FARS2: variants seen among roughly 807,000 people sequenced by gnomAD.
The protein encoded by FARS2 is phenylalanyl-tRNA synthetase 2, mitochondrial.
Under a neutral mutation model 46.4 loss-of-function variants are expected in FARS2, and 40 were observed. That is an observed-to-expected ratio of 0.86 (90% CI 0.67 to 1.12). FARS2 has a LOEUF of 1.12. FARS2 is among the 50% of genes most tolerant of loss of function. FARS2 has a pLI of 0.00. For synonymous variants in FARS2, 234 were observed against 214.9 expected (o/e 1.09, Z -0.78); for missense variants, 513 against 567.9 (o/e 0.90, Z 0.98).
chr6:5,758,238 G>A (rs1762310118), intron 6 of FARS2, among the ~76,000 whole-genome samples: 1 of 151,636 alleles, frequency 6.6e-6, no homozygotes, highest in Non-Finnish European at 1.5e-5. Context: ...CCAATAATAA[G>A]CCACATCAGG....
intron 5 of FARS2, among the ~76,000 whole-genome samples, chr6:5,602,746 G>A (rs1774607105): frequency 6.6e-6 from 1 of 151,830 alleles, no homozygotes; most frequent in Admixed American, 6.6e-5. Flanking sequence ...TAGGCCCGGA[G>A]CAGGGGCCAG....
chr6:5,430,037 A>G (rs191457405), intron 3 of FARS2, among the ~76,000 whole-genome samples: 11 of 151,938 alleles, frequency 7.2e-5, no homozygotes, highest in Non-Finnish European at 1.3e-4. Context: ...TCACATTTTG[A>G]TTCCCACAAG....
intron 5 of FARS2, among the ~76,000 whole-genome samples, chr6:5,608,814 A>T (rs1256373696): frequency 6.6e-6 from 1 of 152,162 alleles, no homozygotes; most frequent in Non-Finnish European, 1.5e-5. Flanking sequence ...CATCACCCTG[A>T]AGGAATTCTA....
intron 4 of FARS2, among the ~76,000 whole-genome samples, chr6:5,477,204 G>A (rs1464584496): frequency 1.3e-5 from 2 of 152,136 alleles, no homozygotes; most frequent in Admixed American, 1.3e-4. Flanking sequence ...ACCAAGTAAA[G>A]ACCTTGACTG....
intron 6 of FARS2, among the ~76,000 whole-genome samples, chr6:5,735,305 A>G (rs897808673): frequency 6.6e-6 from 1 of 152,236 alleles, no homozygotes; most frequent in Non-Finnish European, 1.5e-5. Context: ...CTCTGATTCT[A>G]TCCACTGCTA....
At chr6:5,465,003 G>A (rs1765437530) in intron 4 of FARS2, among the ~76,000 whole-genome samples, 1 of 152,202 alleles carries the variant, frequency 6.6e-6, no homozygotes, top group South Asian at 2.1e-4. Flanking sequence ...CTAGCTGGTG[G>A]AGAGTGCGGA....
chr6:5,607,909 C>T (rs535220704), intron 5 of FARS2, among the ~76,000 whole-genome samples: 2 of 150,262 alleles, frequency 1.3e-5, no homozygotes, highest in South Asian at 4.2e-4. Flanking sequence ...GTGACCACAC[C>T]AGAATGAGAG....
chr6:5,490,247 G>A (rs1474652479), intron 4 of FARS2, among the ~76,000 whole-genome samples: 2 of 152,152 alleles, frequency 1.3e-5, no homozygotes, highest in Non-Finnish European at 2.9e-5. Context: ...TAATTGCTAA[G>A]TAGCATTCTA....
At chr6:5,487,598 G>A (rs369756984) in intron 4 of FARS2, among the ~76,000 whole-genome samples, 2 of 152,184 alleles carry the variant, frequency 1.3e-5, no homozygotes, top group African/African-American at 4.8e-5. Context: ...GCACGTTTCA[G>A]TCAGTGGCAG....
chr6:5,471,158 C>T lies in FARS2; in HGVS notation c.904+39986C>T, dbSNP rs1455795145. Among the ~76,000 whole-genome samples, 1 of 152,148 alleles carries T rather than the reference C, an allele frequency of 6.6e-6. No individual in the cohort carries two copies. The highest frequency in any genetic ancestry group is 1.5e-5 in the Non-Finnish European group (1 of 68,042). On this transcript the variant is annotated intron_variant, in intron 4 of 6. Coordinates refer to ENST00000274680, the MANE Select transcript of FARS2 (RefSeq NM_006567.5). This position sits in a 1 kb window ranked among gnomAD's most constrained non-coding sequence, Gnocchi z 4.1. Reference sequence around the variant, plus strand: ...CCCAGAAGCAGCAGTAGAGGGCGCTCGGCCCCTCATTTCATAATAGTGGAG... The same window carrying T: ...CCCAGAAGCAGCAGTAGAGGGCGCTTGGCCCCTCATTTCATAATAGTGGAG...
chr6:5,262,974 CTT>C (rs1765296228), intron 1 of FARS2, among the ~76,000 whole-genome samples: 1 of 152,178 alleles, frequency 6.6e-6, no homozygotes, highest in South Asian at 2.1e-4. Context: ...GCTGATTTCT[CTT>C]GATACACTAT....
intron 2 of FARS2, among the ~76,000 whole-genome samples, chr6:5,376,145 T>C (rs1304983972): frequency 6.6e-6 from 1 of 152,154 alleles, no homozygotes; most frequent in Non-Finnish European, 1.5e-5. Flanking sequence ...TGTCAATCTT[T>C]CGACACTGTT....
In FARS2 at chr6:5,757,360, A is replaced by C. The variant is rs112192727; in HGVS notation, c.1218-13931A>C. Among the ~76,000 whole-genome samples, 1,253 of 152,154 alleles carry C rather than the reference A, an allele frequency of 8.2e-3. 27 individuals carry two copies. Among genetic ancestry groups the C allele is most frequent in the African/African-American group, 0.028 (1,165 of 41,496 alleles). ...TTATGGCTTCAATTTTTCCTAACTGAGGGAGTAGTTAGGAGCAAATAGCAT... is the reference window on the plus strand; with the variant it reads ...TTATGGCTTCAATTTTTCCTAACTGCGGGAGTAGTTAGGAGCAAATAGCAT... On this transcript the variant is annotated intron_variant, in intron 6 of 6. Coordinates refer to ENST00000274680, the MANE Select transcript of FARS2 (RefSeq NM_006567.5).
chr6:5,519,441 A>T (rs1768999525), intron 4 of FARS2, among the ~76,000 whole-genome samples: 1 of 152,166 alleles, frequency 6.6e-6, no homozygotes, highest in Non-Finnish European at 1.5e-5. Context: ...CAAGAAGTAA[A>T]AGTATGCTAG....
chr6:5,497,299 GAGAA>G (rs1767529739), intron 4 of FARS2, among the ~76,000 whole-genome samples: 1 of 152,190 alleles, frequency 6.6e-6, no homozygotes, highest in South Asian at 2.1e-4. Flanking sequence ...ACTGTTCCCA[GAGAA>G]ACTAGTCCAT....
intron 1 of FARS2, among the ~76,000 whole-genome samples, chr6:5,315,741 C>CTTT (rs755531154): frequency 0.35 from 20,785 of 59,588 alleles, 2,059 homozygotes; most frequent in African/African-American, 0.49. Flanking sequence ...TTTCTTTTTT[C>CTTT]CTTTCTTTCT....
intron 4 of FARS2, among the ~76,000 whole-genome samples, chr6:5,491,606 G>T (rs1285862888): frequency 6.6e-6 from 1 of 152,182 alleles, no homozygotes; most frequent in Non-Finnish European, 1.5e-5. Flanking sequence ...TCCCCATGCT[G>T]CAGGAGTCCT....
At chr6:5,636,834 C>T (rs1776567148) in intron 6 of FARS2, among the ~76,000 whole-genome samples, 1 of 152,192 alleles carries the variant, frequency 6.6e-6, no homozygotes, top group Admixed American at 6.5e-5. Context: ...TCTTCATTAG[C>T]CTAAGTGTCC....
chr6:5,750,350 A>C (rs767204519), intron 6 of FARS2, among the ~76,000 whole-genome samples: 1 of 152,204 alleles, frequency 6.6e-6, no homozygotes, highest in Non-Finnish European at 1.5e-5. Context: ...CCTCGGACGC[A>C]GACCCAGCCC....
Sources: allele counts gnomAD v4.1 joint callset (sites outside exome capture counted in the v4.1 genomes callset), GRCh38; gene constraint gnomAD v4.1.1; non-coding constraint Gnocchi (gnomAD v3.1); transcripts MANE v1.5; gene names NCBI Gene and HGNC (gene_info 2026-07-23, HGNC 2026-07-21).